GABARAPL1: variants seen among roughly 807,000 people sequenced by gnomAD.
The protein encoded by GABARAPL1 is GABA type A receptor associated protein like 1.
Under a neutral mutation model 14.5 loss-of-function variants are expected in GABARAPL1, and 4 were observed. The ratio of observed to expected loss-of-function variants is 0.28; its 90% confidence interval spans 0.14 to 0.63. The LOEUF (loss-of-function observed/expected upper bound fraction) is 0.63, where lower values mean the gene tolerates loss of function less well. Ranked by LOEUF, GABARAPL1 falls within the 30% of genes least tolerant of loss-of-function variation. GABARAPL1 has a pLI of 0.84. For synonymous variants in GABARAPL1, 47 were observed against 50.6 expected, an observed-to-expected ratio of 0.93 and a Z score of 0.30; for missense variants, 82 against 139.2, an observed-to-expected ratio of 0.59 and a Z score of 2.07.
At chr12:10,218,366 C>T (rs1382222183) in intron 2 of GABARAPL1, among the ~76,000 whole-genome samples, 6 of 152,036 alleles carry the variant, frequency 3.9e-5, no homozygotes, top group Non-Finnish European at 7.4e-5. Context: ...GAGGTCAGAT[C>T]GAGACCATCC....
At chr12:10,215,996 A>G (rs755673057) in intron 1 of GABARAPL1, among the ~76,000 whole-genome samples, 3 of 152,044 alleles carry the variant, frequency 2.0e-5, no homozygotes, top group Non-Finnish European at 4.4e-5. Flanking sequence ...TAATTTATGA[A>G]GCATTTTCCT....
Position 10,221,783 on chromosome 12 carries a change from C to T in GABARAPL1, c.289-4C>T. 1.2e-6 allele frequency: 2 copies of T among 1,613,876 alleles called. No homozygotes were observed. Among genetic ancestry groups the T allele is most frequent in the South Asian group, 1.1e-5 (1 of 91,056 alleles). ...CTAAACTGTTGTCTTATCTCTTCCC[C>T]TAGGACAATCATGAGGAAGACTATT... On this transcript the variant is annotated splice_polypyrimidine_tract_variant and splice_region_variant and intron_variant, in intron 3 of 3. Coordinates refer to ENST00000266458, the MANE Select transcript of GABARAPL1 (RefSeq NM_031412.4).
chr12:10,218,875 C>CT (rs755797248), intron 2 of GABARAPL1, among the ~76,000 whole-genome samples: 120 of 151,514 alleles, frequency 7.9e-4, no homozygotes, highest in Non-Finnish European at 1.1e-3. Flanking sequence ...TACCCGGCTA[C>CT]TTTTTTTGGT....
chr12:10,213,413 C>T (rs567631591), intron 1 of GABARAPL1, 194 bp downstream of exon 1: 134 of 658,904 alleles, frequency 2.0e-4, no homozygotes, highest in South Asian at 1.8e-3. Flanking sequence ...CCCCGTATGC[C>T]TGGGCCCCGA....
chr12:10,217,344 T>G (rs557907056), intron 1 of GABARAPL1, among the ~76,000 whole-genome samples: 1 of 152,366 alleles, frequency 6.6e-6, no homozygotes, highest in South Asian at 2.1e-4. Flanking sequence ...ACCACGTTAT[T>G]GGTACCTTTA....
intron 2 of GABARAPL1, among the ~76,000 whole-genome samples, chr12:10,218,692 T>A (rs1949103716): frequency 6.6e-6 from 1 of 150,942 alleles, no homozygotes; most frequent in Admixed American, 6.6e-5. Flanking sequence ...ACTTTTATTT[T>A]AATTAATTAA....
chr12:10,214,975 A>G (rs1252596352), intron 1 of GABARAPL1, among the ~76,000 whole-genome samples: 2 of 152,196 alleles, frequency 1.3e-5, no homozygotes, highest in East Asian at 1.9e-4. Context: ...TACTCCTGTG[A>G]TAATTTTTAA....
chr12:10,220,644 A>T lies in GABARAPL1; in HGVS notation c.288+86A>T, dbSNP rs770321043. ...CTTGTTCTAGATGCGTTGATAACAC[A>T]TCTGAGAAGTGGGGCAGAAGGTGTT... On this transcript the variant is annotated intron_variant, in intron 3 of 3. Transcript: ENST00000266458. 8.1e-6 allele frequency: 13 copies of T among 1,596,958 alleles called. No homozygotes were observed. In the South Asian group the frequency reaches 1.3e-4, roughly 17 times the overall value.
Position 10,222,265 on chromosome 12 carries a change from C to G in GABARAPL1, c.*413C>G, listed in dbSNP as rs1949123739. On this transcript the variant is annotated 3_prime_UTR_variant, in exon 4 of 4. Coordinates refer to ENST00000266458, the MANE Select transcript of GABARAPL1 (RefSeq NM_031412.4). ...TTCTATTTTTGACATTTGCACAAGA[C>G]AGGTAGGGAAAGGGGACTTGTGGTA... 1 of 200,962 alleles carries G rather than the reference C, an allele frequency of 5.0e-6. No individual in the cohort carries two copies. The highest frequency in any genetic ancestry group is 9.6e-5 in the South Asian group (1 of 10,414). The allele number at this position is 200,962 out of a possible 1,614,324, so 12.4% of individuals were successfully genotyped here. A position where few individuals can be genotyped will look rare whatever the true frequency, so the allele number is the denominator to read the frequency against.
intron 2 of GABARAPL1, among the ~76,000 whole-genome samples, chr12:10,218,398 G>A (rs893311128): frequency 2.0e-5 from 3 of 151,978 alleles, no homozygotes; most frequent in Admixed American, 1.3e-4. Context: ...GTGAAACCCC[G>A]TTTCTACTAA....
chr12:10,213,075 C>A lies in GABARAPL1; in HGVS notation c.-55C>A. 1 of 1,073,640 alleles carries A rather than the reference C, an allele frequency of 9.3e-7. No homozygotes were observed. Among genetic ancestry groups the A allele is most frequent in the Non-Finnish European group, 1.4e-6 (1 of 708,058 alleles). 66.5% of individuals were successfully genotyped at this position (1,073,640 alleles called of 1,614,324 possible). A position where few individuals can be genotyped will look rare whatever the true frequency, so the allele number is the denominator to read the frequency against. On this transcript the variant is annotated 5_prime_UTR_variant, in exon 1 of 4. Transcript: ENST00000266458. ...GTCGGCTGAGGGAGCGGGACAGGGT[C>A]AGCGGCGAAGGAGGCAGGCCCCGCG... is the stretch of plus-strand genomic sequence containing the variant.
intron 3 of GABARAPL1, chr12:10,221,442 T>C: frequency 1.1e-6 from 1 of 939,830 alleles, no homozygotes; most frequent in South Asian, 4.9e-5. Context: ...CTGAATCTTT[T>C]TTTGCATAGC....
intron 1 of GABARAPL1, among the ~76,000 whole-genome samples, chr12:10,216,527 A>ATTTTCTTTTCTT (rs1373763079): frequency 2.7e-5 from 3 of 111,796 alleles, no homozygotes; most frequent in Non-Finnish European, 5.7e-5. Context: ...AAATGACTAT[A>ATTTTCTTTTCTT]TTTTCTTTTC....
At chr12:10,217,927 G>T in intron 1 of GABARAPL1, 136 bp from the exon 2 acceptor site, 1 of 633,550 alleles carries the variant, frequency 1.6e-6, no homozygotes, top group East Asian at 2.7e-5. Flanking sequence ...GGGGTGGGGG[G>T]ATAAGAAATG....
rs149624571 is a variant in GABARAPL1, at chr12:10,220,510, C to T, written c.240C>T (p.Val80=). The part of the protein sequence containing the change: ...LRPEDALFFF[V]NNTIPPTSAT... ...CTGAGGACGCCTTATTCTTCTTTGT[C>T]AACAACACCATCCCTCCCACCAGTG... The change falls in exon 3 of 4, where the codon GTC becomes GTT. Residue 80 remains valine, a synonymous_variant. Coordinates refer to ENST00000266458, the MANE Select transcript of GABARAPL1 (RefSeq NM_031412.4). 82 of 1,613,820 alleles carry T rather than the reference C, an allele frequency of 5.1e-5. No individual in the cohort carries two copies. The highest frequency in any genetic ancestry group is 6.5e-5 in the Non-Finnish European group (77 of 1,180,040).
intron 3 of GABARAPL1, 88 bp from the exon 4 acceptor site, chr12:10,221,699 C>T (rs1949120914): frequency 6.9e-7 from 1 of 1,445,290 alleles, no homozygotes; most frequent in South Asian, 1.2e-5. Context: ...ACCTTCCATA[C>T]CTGCTTTACA....
chr12:10,222,033 T>C lies in GABARAPL1; in HGVS notation c.*181T>C. The stretch of plus-strand genomic sequence containing the variant: ...CACATGCTCAATTGATATTTTTTGC[T>C]GCTTCCTCGGCCCAGGGAGAAAGCA... On this transcript the variant is annotated 3_prime_UTR_variant, in exon 4 of 4. Coordinates refer to ENST00000266458, the MANE Select transcript of GABARAPL1 (RefSeq NM_031412.4). 1 of 617,822 alleles carries C rather than the reference T, an allele frequency of 1.6e-6. No individual in the cohort carries two copies. The highest frequency in any genetic ancestry group is 2.6e-5 in the Admixed American group (1 of 38,336). The allele number at this position is 617,822 out of a possible 1,614,324, so 38.3% of individuals were successfully genotyped here.
chr12:10,218,251 G>C (rs1949101514), intron 2 of GABARAPL1, 110 bp downstream of exon 2: 1 of 762,788 alleles, frequency 1.3e-6, no homozygotes, highest in Non-Finnish European at 2.4e-6. Flanking sequence ...TGAAGGAAGT[G>C]AGTGGGATGC....
At chr12:10,221,441 T>G (rs1455218186) in intron 3 of GABARAPL1, 1 of 940,554 alleles carries the variant, frequency 1.1e-6, no homozygotes, top group African/African-American at 1.8e-5. Context: ...CCTGAATCTT[T>G]TTTTGCATAG....
Sources: gnomAD v4.1 joint callset for allele counts (sites outside exome capture counted in the v4.1 genomes callset) on GRCh38, gnomAD v4.1.1 for gene constraint, MANE v1.5 for transcripts, NCBI Gene and HGNC (gene_info 2026-07-23, HGNC 2026-07-21) for gene names.